The following EFL1 variants were observed in gnomAD, a reference collection of about 807,000 sequenced individuals.
EFL1 encodes elongation factor like GTPase 1, also known as elongation factor-like GTPase 1.
In EFL1, 76 loss-of-function variants were observed where a neutral mutation model predicts 126.7. That is an observed-to-expected ratio of 0.60 (90% CI 0.50 to 0.73). EFL1 has a LOEUF of 0.73. EFL1 is among the 30% of genes least tolerant of loss of function. The probability of loss-of-function intolerance (pLI) is 0.00; values close to 1 mark genes in which losing one functional copy is unlikely to be tolerated. For missense variants in EFL1, 1,128 were observed against 1,343.2 expected, an observed-to-expected ratio of 0.84 and a Z score of 2.50; for synonymous variants, 410 against 448.4, an observed-to-expected ratio of 0.91 and a Z score of 1.08.
chr15:82,223,866 G>A (rs2074735898), intron 12 of EFL1, among the ~76,000 whole-genome samples: 1 of 152,048 alleles, frequency 6.6e-6, no homozygotes, highest in Non-Finnish European at 1.5e-5. Flanking sequence ...TCCCCCATTT[G>A]GATATTCACT....
intron 7 of EFL1, among the ~76,000 whole-genome samples, chr15:82,236,852 G>A (rs62012047): frequency 0.16 from 23,917 of 152,234 alleles, 2,431 homozygotes; most frequent in Non-Finnish European, 0.24. Flanking sequence ...AAAACTTTGC[G>A]GACTTTGATG....
At chr15:82,176,849 A>T (rs2074200687) in intron 15 of EFL1, among the ~76,000 whole-genome samples, 1 of 152,264 alleles carries the variant, frequency 6.6e-6, no homozygotes. Flanking sequence ...TATTCATAAT[A>T]GTCAAATACT....
chr15:82,153,563 A>G (rs896092084), intron 17 of EFL1, among the ~76,000 whole-genome samples: 4 of 152,228 alleles, frequency 2.6e-5, no homozygotes, highest in Non-Finnish European at 4.4e-5. Flanking sequence ...AGAAAACCAG[A>G]TAAGAAAGAT....
chr15:82,210,171 C>G (rs990304033), intron 15 of EFL1, among the ~76,000 whole-genome samples: 13 of 152,144 alleles, frequency 8.5e-5, no homozygotes, highest in African/African-American at 3.1e-4. Context: ...CAAAAGGAAA[C>G]AAGAAATTAT....
At chr15:82,166,971 T>C (rs2074086010) in intron 15 of EFL1, among the ~76,000 whole-genome samples, 2 of 152,344 alleles carry the variant, frequency 1.3e-5, no homozygotes, top group East Asian at 1.9e-4. Context: ...CTCCGGGTAA[T>C]CATTTCAGAA....
chr15:82,219,747 T>C lies in EFL1; in HGVS notation c.1516A>G (p.Ile506Val), dbSNP rs775766411. The C allele has an allele frequency of 3.7e-6, 6 of 1,613,898 alleles. No individual in the cohort carries two copies. The Admixed American group carries it at 1.0e-4, about 27-fold the overall frequency. Reference sequence around the variant, plus strand: ...CCACTGAACACCCGAGCAAATGCAATAAAAGACTCTTGGTTGTTTTCTTCC... The same window carrying C: ...CCACTGAACACCCGAGCAAATGCAACAAAAGACTCTTGGTTGTTTTCTTCC... ...LQEENNQESF[I>V]AFARVFSGVA... The change falls in exon 14 of 20, where the codon ATT becomes GTT. Residue 506 changes from isoleucine to valine, a missense_variant. This residue lies in a region of EFL1 where 120 missense variants were observed against 142.1 expected (regional missense o/e 0.84). Transcript: ENST00000268206.
intron 8 of EFL1, among the ~76,000 whole-genome samples, chr15:82,229,805 T>C (rs1190187732): frequency 6.6e-6 from 1 of 152,200 alleles, no homozygotes; most frequent in Non-Finnish European, 1.5e-5. Context: ...CTATGTCCAA[T>C]CTTAAGAGAA....
chr15:82,208,471 T>C (rs2074548792), intron 15 of EFL1, among the ~76,000 whole-genome samples: 1 of 152,132 alleles, frequency 6.6e-6, no homozygotes, highest in African/African-American at 2.4e-5. Context: ...GGCTACCAAA[T>C]GGAGAGTGCA....
At position 82,152,296 on chromosome 15, in the gene EFL1, G is replaced by C; in HGVS notation, c.2158C>G (p.Gln720Glu). 6.2e-7 allele frequency: 1 copy of C among 1,614,020 alleles called. No homozygotes were observed. Among genetic ancestry groups the C allele is most frequent in the Non-Finnish European group, 8.5e-7 (1 of 1,179,992 alleles). Residue 720 changes from glutamine to glutamate, a missense_variant, in exon 18 of 20, where the codon CAA (glutamine) becomes GAA (glutamate). Around this residue, in one of 6 missense-constraint regions of EFL1, gnomAD observed 561 missense variants for 641.7 expected, o/e 0.87. Coordinates refer to ENST00000268206, the MANE Select transcript of EFL1 (RefSeq NM_024580.6). The part of the protein sequence containing the change: ...GKQQKVAVIH[Q>E]MKEDQSKIPE... ...ATTTTGCTTTGATCTTCTTTCATTT[G>C]GTGTATGACTGCAACTTTTTGCTGT...
At chr15:82,169,885 C>T (rs1452747075) in intron 15 of EFL1, among the ~76,000 whole-genome samples, 1 of 152,160 alleles carries the variant, frequency 6.6e-6, no homozygotes, top group Non-Finnish European at 1.5e-5. Flanking sequence ...GCGGTCTTCA[C>T]AGAGTTTAAA....
chr15:82,185,135 G>A (rs1049259468), intron 15 of EFL1, among the ~76,000 whole-genome samples: 1 of 150,944 alleles, frequency 6.6e-6, no homozygotes, highest in Non-Finnish European at 1.5e-5. Flanking sequence ...CAACTCAGAA[G>A]ACATACAAAT....
intron 15 of EFL1, among the ~76,000 whole-genome samples, chr15:82,213,065 C>G (rs1954560434): frequency 6.6e-6 from 1 of 152,204 alleles, no homozygotes; most frequent in South Asian, 2.1e-4. Flanking sequence ...CACCCTTGGG[C>G]TTTCTACTGA....
At chr15:82,248,829 C>T (rs1223452766) in intron 4 of EFL1, among the ~76,000 whole-genome samples, 2 of 150,902 alleles carry the variant, frequency 1.3e-5, no homozygotes, top group East Asian at 1.9e-4. Flanking sequence ...AAGATTTTAC[C>T]GAAAATCCTG....
chr15:82,186,283 A>G (rs1036798786), intron 15 of EFL1, among the ~76,000 whole-genome samples: 2 of 152,132 alleles, frequency 1.3e-5, no homozygotes, highest in African/African-American at 4.8e-5. Flanking sequence ...TCTTTAATTA[A>G]TATCTATAAT....
At chr15:82,174,316 G>C (rs1388762443) in intron 15 of EFL1, 1 of 152,130 alleles carries the variant, frequency 6.6e-6, no homozygotes, top group African/African-American at 2.4e-5. Flanking sequence ...CACACCTGGA[G>C]TGTACTGAAT....
intron 15 of EFL1, among the ~76,000 whole-genome samples, chr15:82,209,316 GACACAC>G (rs57128885): frequency 1.8e-4 from 26 of 146,342 alleles, no homozygotes; most frequent in Non-Finnish European, 2.4e-4. Flanking sequence ...CACAGACACA[GACACAC>G]ACACACACAC....
chr15:82,209,968 A>G (rs1253704170), intron 15 of EFL1, among the ~76,000 whole-genome samples: 3 of 152,222 alleles, frequency 2.0e-5, no homozygotes, highest in Non-Finnish European at 4.4e-5. Flanking sequence ...TGATAAATTT[A>G]CTGACTCCGT....
intron 15 of EFL1, among the ~76,000 whole-genome samples, chr15:82,193,648 G>A (rs562293355): frequency 1.3e-5 from 2 of 152,348 alleles, no homozygotes; most frequent in South Asian, 2.1e-4. Flanking sequence ...AGAGGACAAG[G>A]TGTATTTTGC....
In EFL1 at chr15:82,138,894, C is replaced by T. The variant is rs1369016023; in HGVS notation, c.2990-52G>A. On this transcript the variant is annotated intron_variant, in intron 18 of 19. Coordinates refer to ENST00000268206, the MANE Select transcript of EFL1 (RefSeq NM_024580.6). ...CATGGATCAATCATATGGCTTGAGC[C>T]ACACCAAGACATGATTACCCATATA... 3.3e-6 allele frequency: 5 copies of T among 1,531,196 alleles called. No individual in the cohort carries two copies. The Admixed American group carries it at 5.5e-5, about 17-fold the overall frequency. The allele number at this position is 1,531,196 out of a possible 1,614,324, so 94.9% of individuals were successfully genotyped here.
Sources: gnomAD v4.1 joint callset for allele counts (sites outside exome capture counted in the v4.1 genomes callset) on GRCh38, gnomAD v4.1.1 for gene constraint, gnomAD v4.1.1 regional missense constraint, MANE v1.5 for transcripts, NCBI Gene and HGNC (gene_info 2026-07-23, HGNC 2026-07-21) for gene names.